Variants in SCN8A observed in about 807,000 individuals in gnomAD.
The protein encoded by SCN8A is sodium voltage-gated channel alpha subunit 8, also known as sodium channel protein type 8 subunit alpha.
In SCN8A, 30 loss-of-function variants were observed where a neutral mutation model predicts 184.1. That is an observed-to-expected ratio of 0.16 (90% CI 0.12 to 0.22). The LOEUF (loss-of-function observed/expected upper bound fraction) is 0.22. SCN8A is among the 10% of genes least tolerant of loss of function. The pLI, the probability that SCN8A is intolerant of heterozygous loss-of-function variation, is 1.00. For synonymous variants in SCN8A, 852 were observed against 907.0 expected, an observed-to-expected ratio of 0.94 and a Z score of 1.09; for missense variants, 1,057 against 2,498.9, an observed-to-expected ratio of 0.42 and a Z score of 12.30.
intron 26 of SCN8A, among the ~76,000 whole-genome samples, chr12:51,798,819 T>G (rs748369136): frequency 2.6e-5 from 4 of 152,226 alleles, no homozygotes; most frequent in Non-Finnish European, 5.9e-5. Context: ...GAGAGGTCCA[T>G]CCACATACCT....
At chr12:51,712,469 C>G (rs1472210455) in intron 11 of SCN8A, 2 of 768,094 alleles carry the variant, frequency 2.6e-6, no homozygotes, top group Admixed American at 1.7e-5. Context: ...TTTTTAGAAC[C>G]TTCTGCTACT....
chr12:51,801,705 C>T (rs1466032310), intron 26 of SCN8A, among the ~76,000 whole-genome samples: 1 of 152,188 alleles, frequency 6.6e-6, no homozygotes, highest in Non-Finnish European at 1.5e-5. Context: ...CGTTGTCCTG[C>T]AACCTTAATA....
chr12:51,644,885 A>G (rs1165232087), intron 1 of SCN8A, among the ~76,000 whole-genome samples: 5 of 145,300 alleles, frequency 3.4e-5, no homozygotes, highest in Non-Finnish European at 7.5e-5. Flanking sequence ...CTGCCTGGCA[A>G]CCGCCCCGTC....
At chr12:51,700,183 A>C (rs11169906) in intron 7 of SCN8A, among the ~76,000 whole-genome samples, 117,631 of 141,684 alleles carry the variant, frequency 0.83, 48,871 homozygotes, top group East Asian at 0.96. Flanking sequence ...AAAAAAAAAC[A>C]AAAAAAAAAA....
chr12:51,708,778 G>A (rs1356989854), intron 11 of SCN8A, among the ~76,000 whole-genome samples: 2 of 151,974 alleles, frequency 1.3e-5, no homozygotes, highest in African/African-American at 4.8e-5. Flanking sequence ...CTTCTCCTTT[G>A]TATTTTATAT....
chr12:51,674,961 AAACC>A (rs1392816797), intron 2 of SCN8A, among the ~76,000 whole-genome samples: 1 of 152,212 alleles, frequency 6.6e-6, no homozygotes, highest in Non-Finnish European at 1.5e-5. Flanking sequence ...CAAAGCCTGT[AAACC>A]ACTCTGCTTT....
At chr12:51,704,419 C>T (rs1941743144) in intron 9 of SCN8A, among the ~76,000 whole-genome samples, 1 of 151,930 alleles carries the variant, frequency 6.6e-6, no homozygotes, top group Non-Finnish European at 1.5e-5. Flanking sequence ...CCTGTAATCC[C>T]AGCGCTTTGG....
At chr12:51,700,317 C>T (rs551663625) in intron 7 of SCN8A, among the ~76,000 whole-genome samples, 4 of 152,128 alleles carry the variant, frequency 2.6e-5, no homozygotes, top group African/African-American at 9.6e-5. Context: ...CTCCCTTTTT[C>T]GCATGTACCC....
intron 12 of SCN8A, among the ~76,000 whole-genome samples, chr12:51,744,059 T>C (rs1469238376): frequency 6.6e-6 from 1 of 152,224 alleles, no homozygotes; most frequent in Non-Finnish European, 1.5e-5. Flanking sequence ...CCCAGCGTTT[T>C]GGAAGGCTGA....
intron 20 of SCN8A, chr12:51,780,275 AG>A (rs1214507152): frequency 2.2e-6 from 1 of 454,666 alleles, no homozygotes; most frequent in South Asian, 1.6e-5. Context: ...GGCGAGGGTA[AG>A]GCTCTTGTCG....
At chr12:51,730,769 C>T (rs2138799466) in intron 12 of SCN8A, among the ~76,000 whole-genome samples, 1 of 152,208 alleles carries the variant, frequency 6.6e-6, no homozygotes, top group South Asian at 2.1e-4. Context: ...CTACAGTCAC[C>T]CTGTTGTACT....
At chr12:51,735,239 G>T (rs1485397971) in intron 12 of SCN8A, among the ~76,000 whole-genome samples, 2 of 152,146 alleles carry the variant, frequency 1.3e-5, no homozygotes, top group Non-Finnish European at 2.9e-5. Context: ...AACATAGTCT[G>T]GCCATGGCAC....
chr12:51,669,976 C>A (rs976897744), intron 2 of SCN8A, among the ~76,000 whole-genome samples: 1 of 152,058 alleles, frequency 6.6e-6, no homozygotes, highest in African/African-American at 2.4e-5. Context: ...CTAAATGCTG[C>A]TTTCTGTTTT....
At chr12:51,627,431 G>A (rs1393666031) in intron 1 of SCN8A, among the ~76,000 whole-genome samples, 1 of 152,202 alleles carries the variant, frequency 6.6e-6, no homozygotes, top group Non-Finnish European at 1.5e-5. Context: ...TGCCAGGGAG[G>A]AGTACAGTGG....
At chr12:51,677,197 C>T (rs1941237329) in intron 2 of SCN8A, among the ~76,000 whole-genome samples, 1 of 151,964 alleles carries the variant, frequency 6.6e-6, no homozygotes, top group South Asian at 2.1e-4. Flanking sequence ...GATCTTCCCA[C>T]CTCAGCTTCC....
chr12:51,677,463 A>G (rs771175327), intron 2 of SCN8A, among the ~76,000 whole-genome samples: 2 of 152,214 alleles, frequency 1.3e-5, no homozygotes, highest in Non-Finnish European at 1.5e-5. Flanking sequence ...AGACATGCTA[A>G]TAAACTAGCT....
intron 1 of SCN8A, among the ~76,000 whole-genome samples, chr12:51,599,486 G>A (rs964320273): frequency 3.9e-5 from 6 of 152,190 alleles, no homozygotes; most frequent in Admixed American, 1.3e-4. Flanking sequence ...AAAGTGTTTT[G>A]GGGGAGCAGT....
At chr12:51,617,487 A>G (rs1417184009) in intron 1 of SCN8A, among the ~76,000 whole-genome samples, 1 of 152,060 alleles carries the variant, frequency 6.6e-6, no homozygotes, top group East Asian at 1.9e-4. Context: ...CTTCATTAAG[A>G]CTTTTTATTT....
intron 1 of SCN8A, among the ~76,000 whole-genome samples, chr12:51,633,600 G>A (rs988329709): frequency 6.6e-6 from 1 of 152,174 alleles, no homozygotes; most frequent in Non-Finnish European, 1.5e-5. Context: ...CTCCTGCTGT[G>A]TAAGCATTAT....
Sources: allele counts gnomAD v4.1 joint callset (sites outside exome capture counted in the v4.1 genomes callset), GRCh38; gene constraint gnomAD v4.1.1; transcripts MANE v1.5; gene names NCBI Gene and HGNC (gene_info 2026-07-23, HGNC 2026-07-21).